SPTLC3: variants seen among roughly 807,000 people sequenced by gnomAD.
SPTLC3 encodes the protein serine palmitoyltransferase long chain base subunit 3, also known as serine palmitoyltransferase 3.
SPTLC3 carries 36 observed loss-of-function variants against 59.3 expected under a neutral mutation model. The ratio of observed to expected loss-of-function variants is 0.61; its 90% CI spans 0.47 to 0.80. SPTLC3 has a LOEUF of 0.80. Ranked by LOEUF, SPTLC3 falls within the 30% of genes least tolerant of loss-of-function variation. SPTLC3 has a pLI of 0.00. For missense variants in SPTLC3, 625 were observed against 685.1 expected (o/e 0.91, Z 0.98); for synonymous variants, 257 against 240.8 (o/e 1.07, Z -0.62).
intron 1 of SPTLC3, among the ~76,000 whole-genome samples, chr20:13,042,033 G>C (rs543581812): frequency 6.6e-6 from 1 of 152,304 alleles, no homozygotes; most frequent in East Asian, 1.9e-4. Context: ...GTGCCCTGCG[G>C]CATAAATTGC....
intron 4 of SPTLC3, among the ~76,000 whole-genome samples, chr20:13,077,794 T>G (rs1420833366): frequency 6.6e-6 from 1 of 151,986 alleles, no homozygotes; most frequent in African/African-American, 2.4e-5. Flanking sequence ...CTTTTTTTTT[T>G]TTAAAGAGTT....
rs978038894 is a variant in SPTLC3, at chr20:13,046,424, A to G, written c.118-2521A>G. ...TCTTTCTTCTTATCAACAATACTAT[A>G]CTGCTCCTTGCAGATAGTTTTCTTT... is the stretch of plus-strand genomic sequence containing the variant. On this transcript the variant is annotated intron_variant, in intron 1 of 11. Coordinates refer to ENST00000399002, the MANE Select transcript of SPTLC3 (RefSeq NM_018327.4). 5.3e-5 allele frequency among the ~76,000 whole-genome samples: 8 copies of G among 152,242 alleles called. No homozygotes were observed. In the South Asian group the frequency reaches 1.7e-3, roughly 32 times the overall value.
At chr20:13,089,800 A>G (rs1055375449) in intron 4 of SPTLC3, among the ~76,000 whole-genome samples, 4 of 149,378 alleles carry the variant, frequency 2.7e-5, no homozygotes, top group Non-Finnish European at 4.4e-5. Context: ...AAAAAAAAAA[A>G]AAAACAAAAC....
At chr20:13,129,448 T>C (rs938422190) in intron 9 of SPTLC3, among the ~76,000 whole-genome samples, 7 of 152,244 alleles carry the variant, frequency 4.6e-5, no homozygotes, top group African/African-American at 1.7e-4. Context: ...CTTCAAGTGT[T>C]TCTTAATGGA....
intron 9 of SPTLC3, among the ~76,000 whole-genome samples, chr20:13,135,746 A>G (rs1169835677): frequency 2.0e-5 from 3 of 152,260 alleles, no homozygotes; most frequent in African/African-American, 7.2e-5. Context: ...ACAGGCCAGT[A>G]CTTAAATTTG....
chr20:13,069,554 T>C (rs1036010965), intron 2 of SPTLC3, among the ~76,000 whole-genome samples: 2 of 152,246 alleles, frequency 1.3e-5, no homozygotes, highest in African/African-American at 4.8e-5. Context: ...TATGAGAATC[T>C]CATGCCACTG....
At chr20:13,137,851 C>T (rs2038285254) in intron 9 of SPTLC3, among the ~76,000 whole-genome samples, 1 of 152,100 alleles carries the variant, frequency 6.6e-6, no homozygotes, top group Admixed American at 6.6e-5. Context: ...TCATATTTGC[C>T]CCTTCACCAC....
At chr20:13,032,052 G>C (rs989439312) in intron 1 of SPTLC3, among the ~76,000 whole-genome samples, 2 of 152,124 alleles carry the variant, frequency 1.3e-5, no homozygotes, top group Admixed American at 6.6e-5. Context: ...AAAAGCTTTT[G>C]AGCACCTGAG....
chr20:13,037,646 T>A (rs1254872245), intron 1 of SPTLC3, among the ~76,000 whole-genome samples: 2 of 152,120 alleles, frequency 1.3e-5, no homozygotes, highest in African/African-American at 4.8e-5. Flanking sequence ...TGAAGGCTCA[T>A]CTCCTACAAC....
intron 2 of SPTLC3, among the ~76,000 whole-genome samples, chr20:13,054,925 G>A (rs994497404): frequency 7.2e-5 from 11 of 152,114 alleles, no homozygotes; most frequent in African/African-American, 2.7e-4. Flanking sequence ...AGATTTCAGA[G>A]ACAGAGTCCC....
In SPTLC3 at chr20:13,072,334, C is replaced by A. The variant is rs376096283; in HGVS notation, c.382C>A (p.Arg128=). ...CATGCGAATCAGAGACAACTGGAACCGGCCCATCTGCAGTGCCCCAGGGCC... is the reference window on the plus strand; with the variant it reads ...CATGCGAATCAGAGACAACTGGAACAGGCCCATCTGCAGTGCCCCAGGGCC... ...LYMRIRDNWN[R]PICSAPGPLF... Residue 128 remains arginine (R), a synonymous_variant, in exon 3 of 12, where the codon CGG becomes AGG. Coordinates refer to ENST00000399002, the MANE Select transcript of SPTLC3 (RefSeq NM_018327.4). 3.7e-6 allele frequency: 6 copies of A among 1,613,564 alleles called. No homozygotes were observed. Among genetic ancestry groups the A allele is most frequent in the African/African-American group, 1.3e-5 (1 of 74,894 alleles).
chr20:13,124,107 T>C (rs2037931167), intron 8 of SPTLC3, among the ~76,000 whole-genome samples: 3 of 152,178 alleles, frequency 2.0e-5, no homozygotes, highest in Admixed American at 1.3e-4. Context: ...TCTTCAGATA[T>C]GGGGAAAACC....
In SPTLC3 at chr20:13,126,592, A is replaced by T; in HGVS notation, c.1154A>T (p.Asp385Val). ...TTGGGTTTCCCCTCTTTATTTAAGG[A>T]CCTCGTGGATTATTTACGGGTTCAC... ...ASGGYIAGRK[D>V]LVDYLRVHSH... Residue 385 changes from aspartate (D) to valine (V), a missense_variant and splice_region_variant, in exon 9 of 12, where the codon GAC (aspartate) becomes GTC (valine). Physicochemically the swap from Asp to Val is radical, Grantham distance 152. Transcript: ENST00000399002. The T allele has an allele frequency of 6.2e-7, 1 of 1,613,206 alleles. No individual in the cohort carries two copies. The highest frequency in any genetic ancestry group is 8.5e-7 in the Non-Finnish European group (1 of 1,179,688).
chr20:13,063,933 G>A (rs908554204), intron 2 of SPTLC3, among the ~76,000 whole-genome samples: 1 of 152,064 alleles, frequency 6.6e-6, no homozygotes, highest in African/African-American at 2.4e-5. Context: ...TGGGATTACA[G>A]GCATGAGCCA....
At position 13,166,352 on chromosome 20, in the gene SPTLC3, A is replaced by C. The variant is rs1309887149; in HGVS notation, c.*1485A>C. The C allele has an allele frequency of 6.6e-6, 1 of 152,606 alleles. No homozygotes were observed. Among genetic ancestry groups the C allele is most frequent in the Non-Finnish European group, 1.5e-5 (1 of 68,062 alleles). The allele number at this position is 152,606 out of a possible 1,614,324, so 9.5% of individuals were successfully genotyped here. ...TATTAAAGGAAAAAAAGTGATCAGC[A>C]TGGAAAGTTTTTATGGGGAAATTAT... On this transcript the variant is annotated 3_prime_UTR_variant, in exon 12 of 12. Coordinates refer to ENST00000399002, the MANE Select transcript of SPTLC3 (RefSeq NM_018327.4).
chr20:13,021,003 T>A (rs1985852491), intron 1 of SPTLC3, among the ~76,000 whole-genome samples: 4 of 152,208 alleles, frequency 2.6e-5, no homozygotes, highest in Admixed American at 2.6e-4. Context: ...ATCAGTACGA[T>A]GCCCAGCATA....
At chr20:13,146,773 A>T (rs563382337) in intron 9 of SPTLC3, among the ~76,000 whole-genome samples, 1 of 152,266 alleles carries the variant, frequency 6.6e-6, no homozygotes, top group African/African-American at 2.4e-5. Context: ...CATAGTGAGT[A>T]CTTTTCATTT....
Position 13,048,941 on chromosome 20 carries a change from T to TA in SPTLC3, c.118-4_118-3insA. On this transcript the variant is annotated splice_region_variant and splice_polypyrimidine_tract_variant and intron_variant, in intron 1 of 11. Transcript: ENST00000399002. ...TAACCTTGGATTTTCTTTTGTGTTTTCAGCAAAATGGGAAGCCACATTTTT... is the reference window on the plus strand; with the variant it reads ...TAACCTTGGATTTTCTTTTGTGTTTTACAGCAAAATGGGAAGCCACATTTTT... 6.5e-7 allele frequency: 1 copy of TA among 1,544,912 alleles called. No homozygotes were observed. Among genetic ancestry groups the TA allele is most frequent in the Non-Finnish European group, 8.7e-7 (1 of 1,151,502 alleles).
intron 9 of SPTLC3, among the ~76,000 whole-genome samples, chr20:13,132,057 A>G (rs2038131978): frequency 6.6e-6 from 1 of 151,984 alleles, no homozygotes. Flanking sequence ...CTATCGGCAT[A>G]GCCCACTCCC....
Sources: allele counts gnomAD v4.1 joint callset (sites outside exome capture counted in the v4.1 genomes callset), GRCh38; gene constraint gnomAD v4.1.1; transcripts MANE v1.5; gene names NCBI Gene and HGNC (gene_info 2026-07-23, HGNC 2026-07-21).